The following SORCS2 variants were observed in gnomAD, a reference collection of about 807,000 sequenced individuals.
The protein encoded by SORCS2 is VPS10 domain-containing receptor SorCS2.
A neutral mutation model predicts 141.6 loss-of-function variants in SORCS2; 100 were observed. That is an observed-to-expected ratio of 0.71 (90% CI 0.60 to 0.83). SORCS2 has a LOEUF of 0.83. SORCS2 is among the 40% of genes least tolerant of loss of function. SORCS2 has a pLI of 0.00. For missense variants in SORCS2, 1,646 were observed against 1,560.2 expected (o/e 1.05, Z -0.93); for synonymous variants, 789 against 676.9 (o/e 1.17, Z -2.57).
At chr4:7,264,817 C>A (rs2108830668) in intron 1 of SORCS2, among the ~76,000 whole-genome samples, 1 of 152,330 alleles carries the variant, frequency 6.6e-6, no homozygotes, top group African/African-American at 2.4e-5. Flanking sequence ...GGAGATGCAC[C>A]CTCTCCGTGC....
chr4:7,361,679 G>A (rs1232263879), intron 1 of SORCS2, among the ~76,000 whole-genome samples: 1 of 151,540 alleles, frequency 6.6e-6, no homozygotes, highest in African/African-American at 2.4e-5. Flanking sequence ...AGTGAGAGAA[G>A]GGGTGTGGGG....
At chr4:7,618,888 G>C (rs896421732) in intron 3 of SORCS2, among the ~76,000 whole-genome samples, 1 of 152,026 alleles carries the variant, frequency 6.6e-6, no homozygotes, top group East Asian at 1.9e-4. Flanking sequence ...TGGAAGTCTC[G>C]GGCGGGGGCA....
At chr4:7,485,048 T>G (rs1409021975) in intron 2 of SORCS2, among the ~76,000 whole-genome samples, 1 of 152,208 alleles carries the variant, frequency 6.6e-6, no homozygotes, top group Non-Finnish European at 1.5e-5. Context: ...CAGGGGGCGT[T>G]TGTTGAGTGA....
At chr4:7,523,652 A>G (rs1019090944) in intron 2 of SORCS2, among the ~76,000 whole-genome samples, 10 of 152,072 alleles carry the variant, frequency 6.6e-5, no homozygotes, top group Admixed American at 6.5e-5. Context: ...AATGGGCCAC[A>G]GCATCCATCA....
intron 13 of SORCS2, among the ~76,000 whole-genome samples, chr4:7,703,829 G>GA (rs1266016440): frequency 1.1e-4 from 16 of 152,184 alleles, no homozygotes; most frequent in Non-Finnish European, 2.4e-4. Context: ...ACTGTAGTCT[G>GA]AAAAAGAGAT....
At chr4:7,539,657 T>G (rs948202283) in intron 3 of SORCS2, among the ~76,000 whole-genome samples, 1 of 120,434 alleles carries the variant, frequency 8.3e-6, no homozygotes, top group Non-Finnish European at 1.9e-5. Flanking sequence ...CCCTACAAAC[T>G]CCTTCCCAGC....
chr4:7,585,069 A>T (rs1395007481), intron 3 of SORCS2, among the ~76,000 whole-genome samples: 2 of 152,212 alleles, frequency 1.3e-5, no homozygotes, highest in African/African-American at 4.8e-5. Flanking sequence ...GAGTCTCAGA[A>T]ATTGCTCTGT....
intron 1 of SORCS2, among the ~76,000 whole-genome samples, chr4:7,368,828 G>A (rs903294003): frequency 6.6e-6 from 1 of 152,190 alleles, no homozygotes; most frequent in Non-Finnish European, 1.5e-5. Flanking sequence ...AAACCCGGTG[G>A]GAGGTGATTG....
At position 7,664,243 on chromosome 4, in the gene SORCS2, G is replaced by A. The variant is rs1722357456; in HGVS notation, c.953-110G>A. 3.6e-6 allele frequency: 3 copies of A among 832,852 alleles called. No individual in the cohort carries two copies. In the African/African-American group the frequency reaches 5.1e-5, roughly 14 times the overall value. 51.6% of individuals were successfully genotyped at this position (832,852 alleles called of 1,614,324 possible). On this transcript the variant is annotated intron_variant, in intron 6 of 26. Coordinates refer to ENST00000507866, the MANE Select transcript of SORCS2 (RefSeq NM_020777.3). The surrounding 1 kb of genome is among the most constrained non-coding windows in gnomAD (Gnocchi z 4.7). Reference sequence around the variant, plus strand: ...GGTGGCCTTTAGAATTCAAGCCCATGAAGCCACACCACAGCGGTATTGGAG... The same window carrying A: ...GGTGGCCTTTAGAATTCAAGCCCATAAAGCCACACCACAGCGGTATTGGAG...
intron 25 of SORCS2, among the ~76,000 whole-genome samples, chr4:7,734,595 G>A (rs994758411): frequency 2.0e-5 from 3 of 152,234 alleles, no homozygotes; most frequent in Admixed American, 6.5e-5. Flanking sequence ...AACCCAGAGA[G>A]CATCACCCTC....
rs1309504001 is a variant in SORCS2, at chr4:7,664,468, T to G, written c.1068T>G (p.Phe356Leu). 2 of 1,604,710 alleles carry G rather than the reference T, an allele frequency of 1.2e-6. No homozygotes were observed. The highest frequency in any genetic ancestry group is 4.5e-5 in the East Asian group (2 of 44,596). Residue 356 changes from phenylalanine (F) to leucine (L), a missense_variant, in exon 7 of 27, where the codon TTT becomes TTG. Transcript: ENST00000507866. This position sits in a 1 kb window ranked among gnomAD's most constrained non-coding sequence, Gnocchi z 4.7. ...CCGTGCAGGACGATTACATCTTCTTTAAGGTAAGGTTGCTTCTGGGGCTTT... is the reference window on the plus strand; with the variant it reads ...CCGTGCAGGACGATTACATCTTCTTGAAGGTAAGGTTGCTTCTGGGGCTTT... ...SLTVQDDYIF[F>L]KATSANQTKY...
intron 2 of SORCS2, among the ~76,000 whole-genome samples, chr4:7,447,671 C>T (rs146708840): frequency 5.1e-4 from 77 of 152,274 alleles, no homozygotes; most frequent in African/African-American, 1.7e-3. Context: ...GCACGGGGGT[C>T]CTCCAGGCTC....
intron 2 of SORCS2, among the ~76,000 whole-genome samples, chr4:7,520,173 C>G (rs1006242975): frequency 1.3e-5 from 2 of 152,200 alleles, no homozygotes; most frequent in Non-Finnish European, 2.9e-5. Flanking sequence ...TGCAGAAGTT[C>G]CCCGCCCAGC....
intron 3 of SORCS2, among the ~76,000 whole-genome samples, chr4:7,595,904 C>T (rs1016039614): frequency 6.6e-6 from 1 of 152,192 alleles, no homozygotes; most frequent in African/African-American, 2.4e-5. Flanking sequence ...CAGTGGGGCT[C>T]TTGGTCTGGG....
chr4:7,629,793 A>G (rs2108845315), intron 3 of SORCS2, among the ~76,000 whole-genome samples: 1 of 151,988 alleles, frequency 6.6e-6, no homozygotes, highest in African/African-American at 2.4e-5. Flanking sequence ...TACCTCAGGA[A>G]CCTCAGCAGC....
Position 7,726,911 on chromosome 4 carries a change from C to T in SORCS2, c.2869+8C>T. The stretch of plus-strand genomic sequence containing the variant: ...GGGTCCTCCGTGTGCTGGGTAAGTA[C>T]TTCCTGGGGTCTGGCAGCACGGCCT... On this transcript the variant is annotated splice_region_variant and intron_variant, in intron 21 of 26. Coordinates refer to ENST00000507866, the MANE Select transcript of SORCS2 (RefSeq NM_020777.3). 1 of 1,610,394 alleles carries T rather than the reference C, an allele frequency of 6.2e-7. No homozygotes were observed. The highest frequency in any genetic ancestry group is 1.7e-5 in the Admixed American group (1 of 59,824).
intron 1 of SORCS2, among the ~76,000 whole-genome samples, chr4:7,352,973 G>GT (rs1024405087): frequency 1.4e-4 from 21 of 152,210 alleles, no homozygotes; most frequent in African/African-American, 4.8e-4. Flanking sequence ...TTCCAGATTA[G>GT]GAAACAGGCT....
chr4:7,303,789 A>G (rs1265299140), intron 1 of SORCS2, among the ~76,000 whole-genome samples: 1 of 152,262 alleles, frequency 6.6e-6, no homozygotes, highest in Non-Finnish European at 1.5e-5. Flanking sequence ...AGAGCGCAGG[A>G]CGCAGACCTC....
intron 1 of SORCS2, among the ~76,000 whole-genome samples, chr4:7,207,782 A>G (rs1200193535): frequency 6.6e-6 from 1 of 152,194 alleles, no homozygotes; most frequent in East Asian, 1.9e-4. Flanking sequence ...AGCATATTTC[A>G]TGAACATTCA....
Sources: gnomAD v4.1 joint callset for allele counts (sites outside exome capture counted in the v4.1 genomes callset) on GRCh38, gnomAD v4.1.1 for gene constraint, Gnocchi (gnomAD v3.1) non-coding constraint, MANE v1.5 for transcripts, NCBI Gene and HGNC (gene_info 2026-07-23, HGNC 2026-07-21) for gene names.